The following RIMS1 variants were observed in gnomAD, a reference collection of about 807,000 sequenced individuals.
RIMS1 encodes the protein regulating synaptic membrane exocytosis 1.
RIMS1 carries 83 observed loss-of-function variants against 214.1 expected under a neutral mutation model. That is an observed-to-expected ratio of 0.39 (90% confidence interval 0.32 to 0.47). The LOEUF is 0.47. Among genes scored for constraint, RIMS1 ranks in the 20% least tolerant of loss-of-function variants. The pLI, the probability that RIMS1 is intolerant of heterozygous loss-of-function variation, is 0.99. For synonymous variants in RIMS1, 793 were observed against 786.8 expected, an observed-to-expected ratio of 1.01 and a Z score of -0.13; for missense variants, 2,050 against 2,161.8, an observed-to-expected ratio of 0.95 and a Z score of 1.03.
chr6:72,227,644 T>A (rs113218362), intron 6 of RIMS1, among the ~76,000 whole-genome samples: 2 of 151,964 alleles, frequency 1.3e-5, no homozygotes, highest in African/African-American at 4.8e-5. Context: ...AGCTACTGAG[T>A]TTCCTTGCCT....
intron 6 of RIMS1, among the ~76,000 whole-genome samples, chr6:72,218,112 T>TTC (rs1416336430): frequency 6.6e-6 from 1 of 151,580 alleles, no homozygotes; most frequent in East Asian, 1.9e-4. Flanking sequence ...TTTTGCTTTT[T>TTC]TTTTTTTTAA....
rs529973860 is a variant in RIMS1, at chr6:72,175,267, T to C, written c.472-4308T>C. On this transcript the variant is annotated intron_variant, in intron 4 of 33. Transcript: ENST00000521978. ...AAAATTTATCTGTAAAAGTATCAAATGAAAATTGAATCACAATCTCTTTTT... is the reference window on the plus strand; with the variant it reads ...AAAATTTATCTGTAAAAGTATCAAACGAAAATTGAATCACAATCTCTTTTT... 3 of 196,726 alleles carry C rather than the reference T, an allele frequency of 1.5e-5. No individual in the cohort carries two copies. The South Asian group carries it at 2.1e-4, about 14-fold the overall frequency. The allele number at this position is 196,726 out of a possible 1,614,324, so 12.2% of individuals were successfully genotyped here. A position where few individuals can be genotyped will look rare whatever the true frequency, so the allele number is the denominator to read the frequency against.
intron 2 of RIMS1, among the ~76,000 whole-genome samples, chr6:72,050,479 C>T (rs1562203928): frequency 6.6e-6 from 1 of 152,196 alleles, no homozygotes; most frequent in South Asian, 2.1e-4. Context: ...CAAGTTTCTT[C>T]CTTCCACACC....
At chr6:72,094,967 A>G (rs2030865421) in intron 2 of RIMS1, among the ~76,000 whole-genome samples, 1 of 150,564 alleles carries the variant, frequency 6.6e-6, no homozygotes. Flanking sequence ...TTATTTATTT[A>G]TTTTGACAGA....
intron 2 of RIMS1, among the ~76,000 whole-genome samples, chr6:71,981,140 T>C (rs1639952689): frequency 6.6e-6 from 1 of 152,132 alleles, no homozygotes; most frequent in Non-Finnish European, 1.5e-5. Flanking sequence ...GAAGAGTGTC[T>C]AATTTTAGCT....
At chr6:72,113,072 G>A (rs890198563) in intron 4 of RIMS1, among the ~76,000 whole-genome samples, 10 of 152,124 alleles carry the variant, frequency 6.6e-5, no homozygotes, top group Non-Finnish European at 1.2e-4. Flanking sequence ...ATTTGCCATG[G>A]AAAGGTAATG....
At chr6:71,913,494 C>T (rs1297098892) in intron 1 of RIMS1, among the ~76,000 whole-genome samples, 1 of 151,972 alleles carries the variant, frequency 6.6e-6, no homozygotes, top group Non-Finnish European at 1.5e-5. Context: ...TTCTCCTGCC[C>T]CCGCCCCATC....
At chr6:72,005,387 G>GT (rs1283374975) in intron 2 of RIMS1, among the ~76,000 whole-genome samples, 1 of 152,156 alleles carries the variant, frequency 6.6e-6, no homozygotes, top group African/African-American at 2.4e-5. Flanking sequence ...CATTAAAGTA[G>GT]TTTTTTCCAA....
chr6:72,154,017 T>C (rs1004750707), intron 4 of RIMS1, among the ~76,000 whole-genome samples: 2 of 152,078 alleles, frequency 1.3e-5, no homozygotes, highest in African/African-American at 4.8e-5. Flanking sequence ...ATAATTATTA[T>C]CTTGAATATG....
At chr6:72,073,555 T>C (rs549126561) in intron 2 of RIMS1, among the ~76,000 whole-genome samples, 10 of 152,364 alleles carry the variant, frequency 6.6e-5, no homozygotes, top group African/African-American at 2.4e-4. Context: ...ACCATTTTTC[T>C]TTCACATGAA....
intron 24 of RIMS1, among the ~76,000 whole-genome samples, chr6:72,285,325 A>G (rs2091921433): frequency 6.6e-6 from 1 of 152,234 alleles, no homozygotes; most frequent in African/African-American, 2.4e-5. Context: ...CAATAGGCCT[A>G]GTAGAGATAG....
intron 4 of RIMS1, among the ~76,000 whole-genome samples, chr6:72,141,124 T>G (rs1374726278): frequency 3.3e-5 from 5 of 152,100 alleles, no homozygotes; most frequent in Non-Finnish European, 7.4e-5. Context: ...TAGGAGTAGA[T>G]GTTTTCACTA....
rs200505793 is a variant in RIMS1 at position 72,219,677 on chromosome 6, T to TG, written c.1679-14096_1679-14095insG. Among the ~76,000 whole-genome samples the TG allele has an allele frequency of 8.2e-3, 1,245 of 151,630 alleles. 8 individuals carry two copies. Among genetic ancestry groups the TG allele is most frequent in the African/African-American group, 0.02 (837 of 41,404 alleles). On this transcript the variant is annotated intron_variant, in intron 6 of 33. Transcript: ENST00000521978. ...CTTATAAATAGCTTTGAGGGTTTTT[T>TG]TTTGTTTGTTTTTGTTACAAGAGGC...
intron 4 of RIMS1, among the ~76,000 whole-genome samples, chr6:72,137,608 ATG>A (rs926339845): frequency 1.3e-5 from 2 of 151,642 alleles, no homozygotes; most frequent in Non-Finnish European, 2.9e-5. Flanking sequence ...TATATATTAA[ATG>A]TGTTTTAAAT....
At chr6:72,394,113 A>G (rs2098745999) in intron 31 of RIMS1, among the ~76,000 whole-genome samples, 1 of 152,156 alleles carries the variant, frequency 6.6e-6, no homozygotes, top group Non-Finnish European at 1.5e-5. Context: ...ATAGCAAAGG[A>G]AGAACTAAAG....
intron 29 of RIMS1, among the ~76,000 whole-genome samples, chr6:72,343,431 A>G (rs906448623): frequency 2.1e-5 from 3 of 140,610 alleles, no homozygotes; most frequent in African/African-American, 8.0e-5. Context: ...ATCTATTAAT[A>G]TTGTGTCTTC....
intron 26 of RIMS1, among the ~76,000 whole-genome samples, chr6:72,306,547 G>T (rs1281607717): frequency 6.6e-6 from 1 of 152,118 alleles, no homozygotes; most frequent in African/African-American, 2.4e-5. Context: ...GCCCTCCTCT[G>T]CTACTTAGGA....
chr6:72,231,735 G>A (rs553749261), intron 6 of RIMS1, among the ~76,000 whole-genome samples: 1 of 151,646 alleles, frequency 6.6e-6, no homozygotes, highest in Non-Finnish European at 1.5e-5. Context: ...AAAGTGTGTT[G>A]AGTATCACCA....
intron 4 of RIMS1, among the ~76,000 whole-genome samples, chr6:72,112,288 C>G (rs1292359217): frequency 6.6e-6 from 1 of 151,972 alleles, no homozygotes; most frequent in Non-Finnish European, 1.5e-5. Flanking sequence ...TTGCATTGAA[C>G]CCCTAATTGG....
Sources: gnomAD v4.1 joint callset for allele counts (sites outside exome capture counted in the v4.1 genomes callset) on GRCh38, gnomAD v4.1.1 for gene constraint, MANE v1.5 for transcripts, NCBI Gene and HGNC (gene_info 2026-07-23, HGNC 2026-07-21) for gene names.